TRIO: variants seen among roughly 807,000 people sequenced by gnomAD.
TRIO encodes the protein trio Rho guanine nucleotide exchange factor, also known as triple functional domain protein.
TRIO carries 58 observed loss-of-function variants against 351.9 expected under a neutral mutation model. The ratio of observed to expected loss-of-function variants is 0.16; its 90% confidence interval spans 0.13 to 0.21. The LOEUF is 0.21. TRIO is among the 10% of genes least tolerant of loss of function. The probability of loss-of-function intolerance (pLI) is 1.00; values close to 1 mark genes in which losing one functional copy is unlikely to be tolerated. For missense variants in TRIO, 3,201 were observed against 4,027.8 expected (o/e 0.79, Z 5.56); for synonymous variants, 1,758 against 1,595.7 (o/e 1.10, Z -2.42).
chr5:14,387,270 A>G, intron 21 of TRIO, 168 bp from the exon 22 acceptor site: 2 of 581,892 alleles, frequency 3.4e-6, no homozygotes, highest in South Asian at 2.8e-5. Context: ...ATAGCTGGTC[A>G]GGAATCCGGG....
chr5:14,378,272 A>C, intron 20 of TRIO, 145 bp downstream of exon 20: 1 of 588,018 alleles, frequency 1.7e-6, no homozygotes, highest in Admixed American at 3.0e-5. Flanking sequence ...AGTTTGTTAT[A>C]AAAAGAAAAC....
intron 28 of TRIO, among the ~76,000 whole-genome samples, chr5:14,396,031 G>A (rs1747537982): frequency 7.9e-6 from 1 of 126,252 alleles, no homozygotes; most frequent in Admixed American, 8.6e-5. Context: ...GGGCGACAGA[G>A]CAAGACTCCG....
At chr5:14,380,865 C>T (rs567192129) in intron 20 of TRIO, among the ~76,000 whole-genome samples, 47 of 152,348 alleles carry the variant, frequency 3.1e-4, no homozygotes, top group African/African-American at 9.1e-4. Flanking sequence ...GGCACATATA[C>T]ACCATGGAAT....
At chr5:14,310,602 A>G (rs1181401217) in intron 8 of TRIO, among the ~76,000 whole-genome samples, 1 of 152,222 alleles carries the variant, frequency 6.6e-6, no homozygotes, top group African/African-American at 2.4e-5. Context: ...ACACAGCAAA[A>G]TGAGTCACCT....
chr5:14,474,489 T>C (rs1256247956), intron 40 of TRIO, among the ~76,000 whole-genome samples: 4 of 152,004 alleles, frequency 2.6e-5, no homozygotes, highest in Non-Finnish European at 2.9e-5. Context: ...TTAATACTTT[T>C]ACCTCGTGGG....
intron 34 of TRIO, among the ~76,000 whole-genome samples, chr5:14,449,849 T>C (rs1752718217): frequency 1.3e-5 from 2 of 152,268 alleles, no homozygotes; most frequent in Admixed American, 1.3e-4. Context: ...GCAAAGGATC[T>C]TACCATCTGT....
chr5:14,314,001 G>A (rs1347457652), intron 8 of TRIO, among the ~76,000 whole-genome samples: 1 of 152,202 alleles, frequency 6.6e-6, no homozygotes, highest in Admixed American at 6.5e-5. Flanking sequence ...TCAGTTTCTG[G>A]CACATGTTCA....
At chr5:14,216,916 G>A (rs1355048323) in intron 1 of TRIO, among the ~76,000 whole-genome samples, 1 of 152,182 alleles carries the variant, frequency 6.6e-6, no homozygotes, top group Non-Finnish European at 1.5e-5. Context: ...AGCTGACATT[G>A]GAATCTAGCA....
At chr5:14,278,601 G>T (rs566751119) in intron 2 of TRIO, among the ~76,000 whole-genome samples, 1 of 152,084 alleles carries the variant, frequency 6.6e-6, no homozygotes, top group Non-Finnish European at 1.5e-5. Context: ...GATAATTTCA[G>T]TCAAGGAGAT....
At position 14,277,230 on chromosome 5, in the gene TRIO, A is replaced by G. The variant is rs115315528; in HGVS notation, c.233-3092A>G. Among the ~76,000 whole-genome samples the G allele has an allele frequency of 3.2e-3, 480 of 152,354 alleles. 2 individuals are homozygous for G. Among genetic ancestry groups the G allele is most frequent in the African/African-American group, 0.011 (466 of 41,580 alleles). ...GAATATGTAAATTGTACCATTTCCTAGAAGGTAAGAAGTGCCTTAGAGAAA... is the reference window on the plus strand; with the variant it reads ...GAATATGTAAATTGTACCATTTCCTGGAAGGTAAGAAGTGCCTTAGAGAAA... On this transcript the variant is annotated intron_variant, in intron 2 of 56. Transcript: ENST00000344204.
chr5:14,182,805 A>T (rs191034245), intron 1 of TRIO, among the ~76,000 whole-genome samples: 25 of 152,072 alleles, frequency 1.6e-4, no homozygotes, highest in Non-Finnish European at 3.4e-4. Context: ...ATTTTTAAAA[A>T]TCCTTCCCTG....
At chr5:14,169,000 A>G (rs780026020) in intron 1 of TRIO, among the ~76,000 whole-genome samples, 3 of 152,208 alleles carry the variant, frequency 2.0e-5, no homozygotes, top group African/African-American at 7.2e-5. Flanking sequence ...GACTTTGCAC[A>G]TGGAGCCTCT....
At chr5:14,368,569 T>C (rs1290157949) in intron 16 of TRIO, 139 bp from the exon 17 acceptor site, 12 of 883,848 alleles carry the variant, frequency 1.4e-5, no homozygotes, top group Non-Finnish European at 1.8e-5. Context: ...TGCTGTGCTT[T>C]TAGAAGCATC....
At chr5:14,307,192 A>T (rs755226622) in intron 8 of TRIO, among the ~76,000 whole-genome samples, 2 of 152,154 alleles carry the variant, frequency 1.3e-5, no homozygotes, top group Non-Finnish European at 2.9e-5. Context: ...GAATTTCACT[A>T]CGTTGCTCCA....
At chr5:14,309,111 A>G (rs1738676148) in intron 8 of TRIO, among the ~76,000 whole-genome samples, 3 of 135,342 alleles carry the variant, frequency 2.2e-5, no homozygotes, top group South Asian at 4.5e-4. Flanking sequence ...ACACATGCAC[A>G]TACACATCCA....
Position 14,388,688 on chromosome 5 carries a change from GTTT to G in TRIO, c.3948+25_3948+27del, listed in dbSNP as rs57751910. ...TCCGGGAATGTATGGATGTAAGTAA[GTTT>G]TTTTTTTTTTTTTTTGCTTGTTTAT... On this transcript the variant is annotated intron_variant, in intron 24 of 56. Coordinates refer to ENST00000344204, the MANE Select transcript of TRIO (RefSeq NM_007118.4). The G allele has an allele frequency of 6.4e-4, 914 of 1,433,950 alleles. No individual in the cohort carries two copies. Among genetic ancestry groups the G allele is most frequent in the South Asian group, 1.4e-3 (104 of 73,992 alleles). 88.8% of individuals were successfully genotyped at this position (1,433,950 alleles called of 1,614,324 possible).
At chr5:14,331,825 T>C (rs1740930240) in intron 10 of TRIO, among the ~76,000 whole-genome samples, 1 of 152,200 alleles carries the variant, frequency 6.6e-6, no homozygotes, top group Admixed American at 6.5e-5. Context: ...TGATTGTGAG[T>C]AGCTCTATCC....
chr5:14,219,617 A>G (rs569807327), intron 1 of TRIO, among the ~76,000 whole-genome samples: 5 of 152,244 alleles, frequency 3.3e-5, no homozygotes, highest in East Asian at 3.9e-4. Flanking sequence ...GCGGGTGGCA[A>G]CCTGGGCCGG....
chr5:14,378,564 CT>C (rs547273633), intron 20 of TRIO, among the ~76,000 whole-genome samples: 138 of 144,308 alleles, frequency 9.6e-4, no homozygotes, highest in Admixed American at 1.7e-3. Context: ...TTTTCTGTTT[CT>C]TTTTTTTTTT....
Sources: allele counts gnomAD v4.1 joint callset (sites outside exome capture counted in the v4.1 genomes callset), GRCh38; gene constraint gnomAD v4.1.1; transcripts MANE v1.5; gene names NCBI Gene and HGNC (gene_info 2026-07-23, HGNC 2026-07-21).